CLEC1B: variants seen among roughly 807,000 people sequenced by gnomAD.
The protein encoded by CLEC1B is C-type lectin-like receptor 2.
A neutral mutation model predicts 26.7 loss-of-function variants in CLEC1B; 26 were observed. The ratio of observed to expected loss-of-function variants is 0.97; its 90% CI spans 0.71 to 1.35. The LOEUF (loss-of-function observed/expected upper bound fraction) is 1.35. CLEC1B is among the 40% of genes most tolerant of loss of function. The pLI is 0.00. For missense variants in CLEC1B, 293 were observed against 282.6 expected (o/e 1.04, Z -0.26); for synonymous variants, 112 against 96.0 (o/e 1.17, Z -0.97).
At chr12:9,993,966 CTTTCA>C (rs1447228450) in intron 5 of CLEC1B, among the ~76,000 whole-genome samples, 1 of 151,996 alleles carries the variant, frequency 6.6e-6, no homozygotes, top group Non-Finnish European at 1.5e-5. Flanking sequence ...TGTTGGGGAA[CTTTCA>C]TTTAAGTGGG....
chr12:9,999,182 T>G (rs1299287066), upstream of CLEC1B: 6 of 882,548 alleles, frequency 6.8e-6, no homozygotes, highest in Non-Finnish European at 1.1e-5. Context: ...TCAGTATCTG[T>G]CAGTTTATGA....
chr12:9,993,433 A>C, intron 5 of CLEC1B, 146 bp from the exon 6 acceptor site: 1 of 706,190 alleles, frequency 1.4e-6, no homozygotes, highest in Non-Finnish European at 2.4e-6. Context: ...CTCATTGTTG[A>C]GAAAGTTCCA....
chr12:9,994,971 G>A (rs772946725), intron 5 of CLEC1B, 169 bp downstream of exon 5: 2 of 1,501,880 alleles, frequency 1.3e-6, no homozygotes, highest in Non-Finnish European at 1.8e-6. Context: ...TAATGGGAGA[G>A]AGGGGAAAGA....
intron 4 of CLEC1B, chr12:9,995,492 A>T (rs954497132): frequency 1.4e-5 from 6 of 426,398 alleles, no homozygotes; most frequent in African/African-American, 1.2e-4. Flanking sequence ...TTTTGTGTTT[A>T]TAACATGTAT....
chr12:9,994,574 A>G (rs1050156103), intron 5 of CLEC1B, among the ~76,000 whole-genome samples: 13 of 152,120 alleles, frequency 8.5e-5, no homozygotes, highest in East Asian at 1.9e-4. Flanking sequence ...ACTCAATGCA[A>G]TCAGTCCCTT....
At chr12:10,001,881 C>CTTTTTT (rs11436719), upstream of CLEC1B, among the ~76,000 whole-genome samples, 2 of 134,214 alleles carry the variant, frequency 1.5e-5, no homozygotes, top group African/African-American at 2.8e-5. Context: ...TAAACAAAAT[C>CTTTTTT]TTTTTTTTTT....
intron 5 of CLEC1B, 44 bp downstream of exon 5, chr12:9,995,096 G>C: frequency 6.2e-7 from 1 of 1,606,990 alleles, no homozygotes; most frequent in Non-Finnish European, 8.5e-7. Flanking sequence ...TCAAGAATAA[G>C]AGTTTCCAGT....
At chr12:9,994,949 T>C (rs1864999363) in intron 5 of CLEC1B, 191 bp downstream of exon 5, 1 of 1,435,278 alleles carries the variant, frequency 7.0e-7, no homozygotes, top group Admixed American at 2.1e-5. Context: ...GTGGCTTAGA[T>C]AAAGAGCAAA....
At chr12:9,996,711 A>C (rs1865056602) in intron 4 of CLEC1B, 135 bp downstream of exon 4, 2 of 853,592 alleles carry the variant, frequency 2.3e-6, no homozygotes, top group Non-Finnish European at 3.9e-6. Context: ...AATTCTTACT[A>C]GGTTTCACAA....
chr12:9,998,759 A>G (rs1382670831), intron 1 of CLEC1B, among the ~76,000 whole-genome samples: 1 of 152,170 alleles, frequency 6.6e-6, no homozygotes. Flanking sequence ...ATAGAAAATG[A>G]AATTTCCACT....
upstream of CLEC1B, among the ~76,000 whole-genome samples, chr12:9,999,527 A>C (rs1182952884): frequency 1.3e-5 from 2 of 152,244 alleles, no homozygotes; most frequent in Non-Finnish European, 2.9e-5. Flanking sequence ...GCTCACCAGC[A>C]GATATATAGT....
chr12:9,998,399 G>C lies in CLEC1B; in HGVS notation c.65-19C>G. 6.3e-7 allele frequency: 1 copy of C among 1,585,886 alleles called. No individual in the cohort carries two copies. The highest frequency in any genetic ancestry group is 8.7e-7 in the Non-Finnish European group (1 of 1,154,316). On this transcript the variant is annotated intron_variant, in intron 1 of 5. Coordinates refer to ENST00000298527, the MANE Select transcript of CLEC1B (RefSeq NM_016509.4). ...GAGCCAACTGTAGGCATATAATAAAGACATCAAGGAGCAGGCAGTATGGGT... is the reference window on the plus strand; with the variant it reads ...GAGCCAACTGTAGGCATATAATAAACACATCAAGGAGCAGGCAGTATGGGT...
chr12:9,996,260 T>C (rs1035274183), intron 4 of CLEC1B, among the ~76,000 whole-genome samples: 1 of 152,198 alleles, frequency 6.6e-6, no homozygotes, highest in African/African-American at 2.4e-5. Context: ...CAATAGGAAC[T>C]GACAGATAAA....
chr12:10,000,605 A>G (rs760378672), upstream of CLEC1B, among the ~76,000 whole-genome samples: 2 of 152,230 alleles, frequency 1.3e-5, no homozygotes, highest in Non-Finnish European at 2.9e-5. Flanking sequence ...TTCTTATCTC[A>G]GTTAAAATAT....
upstream of CLEC1B, among the ~76,000 whole-genome samples, chr12:10,001,881 C>CTT (rs11436719): frequency 0.078 from 10,468 of 134,110 alleles, 599 homozygotes; most frequent in East Asian, 0.17. Flanking sequence ...TAAACAAAAT[C>CTT]TTTTTTTTTT....
chr12:9,993,789 T>G (rs1864958392), intron 5 of CLEC1B, among the ~76,000 whole-genome samples: 1 of 152,132 alleles, frequency 6.6e-6, no homozygotes, highest in Non-Finnish European at 1.5e-5. Context: ...TGTATTGTAA[T>G]TGTCTGTTAA....
At chr12:10,001,355 G>T (rs1462440667), upstream of CLEC1B, among the ~76,000 whole-genome samples, 1 of 152,186 alleles carries the variant, frequency 6.6e-6, no homozygotes, top group African/African-American at 2.4e-5. Flanking sequence ...CGCCTTTGAA[G>T]ATATTCCTTT....
chr12:9,996,769 A>C (rs1419605552), intron 4 of CLEC1B, 77 bp downstream of exon 4: 1 of 1,512,392 alleles, frequency 6.6e-7, no homozygotes, highest in Non-Finnish European at 9.2e-7. Flanking sequence ...AAATGTAAAA[A>C]ACAAAAAAAG....
upstream of CLEC1B, chr12:9,999,242 T>C (rs1865126463): frequency 1.9e-6 from 1 of 535,806 alleles, no homozygotes; most frequent in African/African-American, 1.9e-5. Flanking sequence ...ACACATTTGT[T>C]TTCCTTTGCT....
Sources: allele counts gnomAD v4.1 joint callset (sites outside exome capture counted in the v4.1 genomes callset), GRCh38; gene constraint gnomAD v4.1.1; transcripts MANE v1.5; gene names NCBI Gene and HGNC (gene_info 2026-07-23, HGNC 2026-07-21).